Variants in ZSCAN25 observed in about 807,000 individuals in gnomAD.
ZSCAN25 encodes the protein zinc finger and SCAN domain-containing protein 25.
A neutral mutation model predicts 38.7 loss-of-function variants in ZSCAN25; 27 were observed. The observed-to-expected ratio is 0.70, with a 90% CI of 0.51 to 0.96. The LOEUF (loss-of-function observed/expected upper bound fraction) is 0.96. ZSCAN25 is among the 40% of genes least tolerant of loss of function. ZSCAN25 has a pLI of 0.00. For missense variants in ZSCAN25, 637 were observed against 705.9 expected (o/e 0.90, Z 1.11); for synonymous variants, 273 against 277.7 (o/e 0.98, Z 0.17).
the ZSCAN25 span, among the ~76,000 whole-genome samples, chr7:99,654,230 A>G: frequency 6.7e-6 from 1 of 149,776 alleles, no homozygotes; most frequent in Non-Finnish European, 1.5e-5. Flanking sequence ...ATCCCTCCCC[A>G]CTCCTCCCAC....
At chr7:99,715,789 A>G in the ZSCAN25 span, 1 of 1,613,910 alleles carries the variant, frequency 6.2e-7, no homozygotes, top group East Asian at 2.2e-5. Flanking sequence ...CTAATGGATT[A>G]AATCTTAAAA....
the ZSCAN25 span, among the ~76,000 whole-genome samples, chr7:99,707,227 G>A: frequency 5.9e-5 from 9 of 152,350 alleles, no homozygotes; most frequent in African/African-American, 2.2e-4. Context: ...GCCTTGGACT[G>A]TGGTAGTCCT....
At chr7:99,680,208 A>G in the ZSCAN25 span, among the ~76,000 whole-genome samples, 1 of 152,122 alleles carries the variant, frequency 6.6e-6, no homozygotes, top group Non-Finnish European at 1.5e-5. Flanking sequence ...TTGGCATGAA[A>G]TCTATTAACC....
At chr7:99,720,014 A>C in the ZSCAN25 span, among the ~76,000 whole-genome samples, 1 of 152,170 alleles carries the variant, frequency 6.6e-6, no homozygotes, top group African/African-American at 2.4e-5. Context: ...AACAACAAAC[A>C]ACAAACAAAA....
chr7:99,671,977 T>C, the ZSCAN25 span: 3 of 640,368 alleles, frequency 4.7e-6, no homozygotes, highest in Non-Finnish European at 8.4e-6. Flanking sequence ...CTGTAAACTA[T>C]ATCAAAGTCA....
the ZSCAN25 span, chr7:99,638,529 C>T: frequency 1.4e-5 from 21 of 1,510,768 alleles, no homozygotes; most frequent in Non-Finnish European, 1.8e-5. Flanking sequence ...ACCTTGGGTC[C>T]CAGTGTAGTT....
At chr7:99,651,025 A>T in the ZSCAN25 span, among the ~76,000 whole-genome samples, 3 of 152,306 alleles carry the variant, frequency 2.0e-5, no homozygotes, top group Non-Finnish European at 2.9e-5. Flanking sequence ...TTGTTGTCAT[A>T]TGTTTTTACA....
At chr7:99,636,585 C>CAA (rs568877202), downstream of ZSCAN25, among the ~76,000 whole-genome samples, 5 of 152,292 alleles carry the variant, frequency 3.3e-5, no homozygotes, top group Admixed American at 1.3e-4. Context: ...CACTCATAAA[C>CAA]AAAACCCACT....
At chr7:99,707,676 A>T in the ZSCAN25 span, 1 of 1,409,788 alleles carries the variant, frequency 7.1e-7, no homozygotes, top group Non-Finnish European at 9.7e-7. Context: ...AAGATCATAG[A>T]TGGGTCCAAA....
At chr7:99,705,599 C>A in the ZSCAN25 span, 2 of 1,612,792 alleles carry the variant, frequency 1.2e-6, no homozygotes, top group Admixed American at 3.3e-5. Context: ...GGGGGATCTG[C>A]AACAGTTAAA....
chr7:99,732,120 T>C, the ZSCAN25 span, among the ~76,000 whole-genome samples: 1 of 152,090 alleles, frequency 6.6e-6, no homozygotes, highest in Non-Finnish European at 1.5e-5. Flanking sequence ...AGGCAGTTTC[T>C]CATGGTTTCA....
chr7:99,684,925 G>A, the ZSCAN25 span: 1 of 376,092 alleles, frequency 2.7e-6, no homozygotes. Flanking sequence ...TACTTCCCAA[G>A]CACTGATTTG....
At chr7:99,628,731 G>A (rs1197591474) in intron 7 of ZSCAN25, among the ~76,000 whole-genome samples, 3 of 152,206 alleles carry the variant, frequency 2.0e-5, no homozygotes, top group African/African-American at 7.2e-5. Flanking sequence ...TGGAAGGTCT[G>A]GAGAGCTGTG....
the ZSCAN25 span, chr7:99,672,995 G>T: frequency 1.5e-6 from 1 of 660,530 alleles, no homozygotes; most frequent in African/African-American, 1.9e-5. Context: ...TGGTACATAC[G>T]TGGGTATCTC....
chr7:99,684,249 A>C, the ZSCAN25 span, among the ~76,000 whole-genome samples: 3 of 151,096 alleles, frequency 2.0e-5, no homozygotes, highest in South Asian at 6.3e-4. Flanking sequence ...GCTCACTGCA[A>C]CCTCTGCCTC....
intron 1 of ZSCAN25, among the ~76,000 whole-genome samples, chr7:99,617,223 C>T (rs1384082783): frequency 6.6e-6 from 1 of 152,176 alleles, no homozygotes; most frequent in African/African-American, 2.4e-5. Context: ...GCTGAGGGGC[C>T]GCCGCGCTGT....
the ZSCAN25 span, among the ~76,000 whole-genome samples, chr7:99,642,942 G>C: frequency 2.0e-5 from 3 of 152,138 alleles, no homozygotes; most frequent in Admixed American, 6.5e-5. Flanking sequence ...CAGTATGGGC[G>C]TGAAAGTATT....
chr7:99,692,038 C>G, the ZSCAN25 span, among the ~76,000 whole-genome samples: 19 of 152,072 alleles, frequency 1.2e-4, no homozygotes, highest in African/African-American at 3.9e-4. Flanking sequence ...GGTAGCAGTT[C>G]TTTCTTTCCA....
chr7:99,697,859 T>A, the ZSCAN25 span, among the ~76,000 whole-genome samples: 1 of 152,226 alleles, frequency 6.6e-6, no homozygotes, highest in Admixed American at 6.5e-5. Flanking sequence ...CTCCTGTTCC[T>A]TCTTTTATTG....
Sources: gnomAD v4.1 joint callset for allele counts (sites outside exome capture counted in the v4.1 genomes callset) on GRCh38, gnomAD v4.1.1 for gene constraint, MANE v1.5 for transcripts, NCBI Gene and HGNC (gene_info 2026-07-23, HGNC 2026-07-21) for gene names.